Variants in FOCAD observed in about 807,000 individuals in gnomAD.
FOCAD encodes KIAA1797.
In FOCAD, 198 loss-of-function variants were observed where a neutral mutation model predicts 225.6. That is an observed-to-expected ratio of 0.88 (90% CI 0.78 to 0.99). The LOEUF (loss-of-function observed/expected upper bound fraction) is 0.99, where lower values mean the gene tolerates loss of function less well. FOCAD is among the 50% of genes least tolerant of loss of function. FOCAD has a pLI of 0.00. For synonymous variants in FOCAD, 897 were observed against 755.0 expected (o/e 1.19, Z -3.08); for missense variants, 2,713 against 2,123.6 (o/e 1.28, Z -5.46).
At chr9:20,887,074 C>G (rs1233875800) in intron 21 of FOCAD, among the ~76,000 whole-genome samples, 2 of 152,118 alleles carry the variant, frequency 1.3e-5, no homozygotes, top group Admixed American at 6.6e-5. Context: ...CAAGATTACT[C>G]TAAGCTCTCT....
chr9:20,791,033 G>T (rs1820474059), intron 11 of FOCAD, among the ~76,000 whole-genome samples: 1 of 152,128 alleles, frequency 6.6e-6, no homozygotes, highest in East Asian at 1.9e-4. Context: ...TTCCTGTAGT[G>T]ATCCTGCTTC....
At chr9:20,968,659 G>A (rs1029072380) in intron 35 of FOCAD, among the ~76,000 whole-genome samples, 4 of 151,560 alleles carry the variant, frequency 2.6e-5, no homozygotes, top group Admixed American at 2.0e-4. Flanking sequence ...CTAGGCTGTC[G>A]AACTCCTGAA....
chr9:20,861,300 C>T (rs964917534), intron 15 of FOCAD, among the ~76,000 whole-genome samples: 3 of 151,948 alleles, frequency 2.0e-5, no homozygotes, highest in African/African-American at 7.3e-5. Flanking sequence ...TATTATGTAC[C>T]ACTCTGGGTA....
intron 16 of FOCAD, among the ~76,000 whole-genome samples, chr9:20,865,424 T>TA: frequency 6.6e-6 from 1 of 152,082 alleles, no homozygotes; most frequent in East Asian, 1.9e-4. Flanking sequence ...CTTTTATGCT[T>TA]AATCAATTAT....
rs1564024181 is a variant in FOCAD, at chr9:20,815,123, G to GTGTTTTTTTTTTTTTTTTTTTT, written c.1456-4672_1456-4671insGTTTTTTTTTTTTTTTTTTTTT. On this transcript the variant is annotated intron_variant, in intron 11 of 43. Coordinates refer to ENST00000338382, the MANE Select transcript of FOCAD (RefSeq NM_001375567.1). ...TCTGGAAATATCATTACTTCTCTTT[G>GTGTTTTTTTTTTTTTTTTTTTT]TTTTTTTTTTTTTGTTTTTTTTTTT... Among the ~76,000 whole-genome samples, 100 of 85,384 alleles carry GTGTTTTTTTTTTTTTTTTTTTT rather than the reference G, an allele frequency of 1.2e-3. 17 individuals carry two copies. The highest frequency in any genetic ancestry group is 8.5e-3 in the Middle Eastern group (1 of 118). 56.0% of individuals were successfully genotyped at this position (85,384 alleles called of 152,430 possible).
At position 20,704,363 on chromosome 9, in the gene FOCAD, T is replaced by C. The variant is rs1824209099; in HGVS notation, c.-32-10959T>C. 1.3e-5 allele frequency among the ~76,000 whole-genome samples: 2 copies of C among 152,218 alleles called. 1 individual carries two copies. The highest frequency in any genetic ancestry group is 4.1e-4 in the South Asian group (2 of 4,830). The stretch of plus-strand genomic sequence containing the variant: ...CACTCAGTATGCAAATTAAAATAGC[T>C]AAACCATATCTATTCCATTCTACAT... On this transcript the variant is annotated intron_variant, in intron 1 of 43. Coordinates refer to ENST00000338382, the MANE Select transcript of FOCAD (RefSeq NM_001375567.1).
Position 20,672,557 on chromosome 9 carries a change from TCTC to T in FOCAD, c.-78+13734_-78+13736del, listed in dbSNP as rs143319009. On this transcript the variant is annotated intron_variant, in intron 2 of 45. Coordinates refer to the FOCAD transcript ENST00000380249. ...GCTCTGCCTCCCGGGCTCACGCCAT[TCTC>T]CTGCCTCAGACTCCAGAGTAGCTGG... Among the ~76,000 whole-genome samples, 135 of 152,274 alleles carry T rather than the reference TCTC, an allele frequency of 8.9e-4. 4 individuals carry two copies. In the East Asian group the frequency reaches 0.016, roughly 19 times the overall value.
intron 15 of FOCAD, among the ~76,000 whole-genome samples, chr9:20,834,147 C>T (rs1825767006): frequency 1.3e-5 from 2 of 152,080 alleles, no homozygotes; most frequent in Non-Finnish European, 2.9e-5. Flanking sequence ...ATGTCCATTG[C>T]AGGGACATGG....
intron 23 of FOCAD, among the ~76,000 whole-genome samples, chr9:20,914,890 G>C (rs1833745719): frequency 6.6e-6 from 1 of 152,182 alleles, no homozygotes; most frequent in African/African-American, 2.4e-5. Context: ...TTTTAGACTA[G>C]GATGTTAGTG....
intron 11 of FOCAD, among the ~76,000 whole-genome samples, chr9:20,799,128 T>G (rs1821485289): frequency 6.6e-6 from 1 of 152,238 alleles, no homozygotes; most frequent in African/African-American, 2.4e-5. Context: ...TAGGAGCAGG[T>G]CATTCAGTTT....
At position 20,990,042 on chromosome 9, in the gene FOCAD, G is replaced by T. The variant is rs1163980106; in HGVS notation, c.5005-81G>T. The T allele has an allele frequency of 4.9e-5, 76 of 1,548,110 alleles. 1 individual carries two copies. In the South Asian group the frequency reaches 8.2e-4, roughly 17 times the overall value. ...GAAGGGGAAGATGACATTGCCTCAC[G>T]ACAGGGGCTGTGTATGTGAACATGT... On this transcript the variant is annotated intron_variant, in intron 41 of 43. Coordinates refer to ENST00000338382, the MANE Select transcript of FOCAD (RefSeq NM_001375567.1).
At chr9:20,755,097 A>C (rs1316220766) in intron 5 of FOCAD, among the ~76,000 whole-genome samples, 1 of 152,224 alleles carries the variant, frequency 6.6e-6, no homozygotes, top group African/African-American at 2.4e-5. Context: ...AGGAAGATTC[A>C]GTGTTCTCCT....
At chr9:20,862,540 G>A (rs1209097291) in intron 15 of FOCAD, 38 bp from the exon 16 acceptor site, 4 of 1,602,020 alleles carry the variant, frequency 2.5e-6, no homozygotes, top group African/African-American at 1.3e-5. Context: ...ATAGGTTGGA[G>A]TCTTGTTAGG....
rs1168207292 is a variant in FOCAD, at chr9:20,677,711, G to T, written c.-77-16809G>T. Among the ~76,000 whole-genome samples, 11 of 152,258 alleles carry T rather than the reference G, an allele frequency of 7.2e-5. No individual in the cohort carries two copies. The East Asian group carries it at 1.2e-3, about 16-fold the overall frequency. On this transcript the variant is annotated intron_variant, in intron 2 of 45. Transcript: ENST00000380249. The stretch of plus-strand genomic sequence containing the variant: ...CAAGTGTTAAGGATGTGGAGAAAAG[G>T]GAACACTTACATGCTGTTGGTGGAA...
intron 21 of FOCAD, among the ~76,000 whole-genome samples, chr9:20,888,760 G>C (rs543648805): frequency 4.6e-5 from 7 of 152,214 alleles, no homozygotes; most frequent in Non-Finnish European, 5.9e-5. Context: ...AGTCTCATGA[G>C]ATCTGATGGT....
chr9:20,902,845 G>C (rs1195159651), intron 21 of FOCAD, among the ~76,000 whole-genome samples: 1 of 151,926 alleles, frequency 6.6e-6, no homozygotes, highest in African/African-American at 2.4e-5. Context: ...GAACAGGAAA[G>C]ATAACAGGAA....
In FOCAD at chr9:20,946,708, C is replaced by T; in HGVS notation, c.3563C>T (p.Ala1188Val). ...SQSRTFQEVL[A>V]YTLSCVCTSA... ...GCTGTATTTTCTTCTCAGGTCCTTG[C>T]CTACACACTTAGCTGTGTATGTACA... The change falls in exon 30 of 44, where the codon GCC (alanine) becomes GTC (valine). Residue 1188 changes from alanine to valine, a missense_variant. Coordinates refer to ENST00000338382, the MANE Select transcript of FOCAD (RefSeq NM_001375567.1). 3 of 1,611,968 alleles carry T rather than the reference C, an allele frequency of 1.9e-6. No individual in the cohort carries two copies. The highest frequency in any genetic ancestry group is 1.1e-5 in the South Asian group (1 of 90,772).
intron 5 of FOCAD, among the ~76,000 whole-genome samples, chr9:20,749,898 A>T (rs1828389669): frequency 2.0e-5 from 3 of 152,076 alleles, no homozygotes; most frequent in Admixed American, 6.6e-5. Flanking sequence ...TTATACTTGG[A>T]AAGGTGAATC....
Position 20,684,598 on chromosome 9 carries a change from G to A in FOCAD, c.-33+305G>A, listed in dbSNP as rs1033644375. ...CAGGGCTGGCTGTGGTGACTGCGGT[G>A]GGACTTAGTGGGATCTCGACTCGGA... On this transcript the variant is annotated intron_variant, in intron 1 of 43. Transcript: ENST00000338382. 13 of 152,740 alleles carry A rather than the reference G, an allele frequency of 8.5e-5. No homozygotes were observed. The East Asian group carries it at 2.5e-3, about 29-fold the overall frequency. The allele number at this position is 152,740 out of a possible 1,614,324, so 9.5% of individuals were successfully genotyped here. A position where few individuals can be genotyped will look rare whatever the true frequency, so the allele number is the denominator to read the frequency against.
Sources: gnomAD v4.1 joint callset for allele counts (sites outside exome capture counted in the v4.1 genomes callset) on GRCh38, gnomAD v4.1.1 for gene constraint, MANE v1.5 for transcripts, NCBI Gene and HGNC (gene_info 2026-07-23, HGNC 2026-07-21) for gene names.